Variants in KBTBD12 observed in about 807,000 individuals in gnomAD.
KBTBD12 encodes the protein kelch repeat and BTB domain-containing protein 12.
In KBTBD12, 53 loss-of-function variants were observed where a neutral mutation model predicts 58.7. The ratio of observed to expected loss-of-function variants is 0.90; its 90% CI spans 0.72 to 1.14. The LOEUF (loss-of-function observed/expected upper bound fraction) is 1.14. Ranked by LOEUF, KBTBD12 falls within the 50% of genes most tolerant of loss-of-function variation. KBTBD12 has a pLI of 0.00. For synonymous variants in KBTBD12, 236 were observed against 259.8 expected (o/e 0.91, Z 0.88); for missense variants, 704 against 751.3 (o/e 0.94, Z 0.74).
intron 4 of KBTBD12, among the ~76,000 whole-genome samples, chr3:127,959,561 G>A (rs754263743): frequency 3.3e-5 from 5 of 152,146 alleles, no homozygotes; most frequent in African/African-American, 4.8e-5. Flanking sequence ...AATAAACACC[G>A]GTTACTCATG....
intron 4 of KBTBD12, among the ~76,000 whole-genome samples, chr3:127,944,194 GA>G (rs1196209818): frequency 6.6e-6 from 1 of 151,746 alleles, no homozygotes; most frequent in Non-Finnish European, 1.5e-5. Flanking sequence ...ACAGATTTTA[GA>G]ATAGTTTTTT....
chr3:127,982,621 C>T (rs1271749064), intron 5 of KBTBD12, among the ~76,000 whole-genome samples: 1 of 152,202 alleles, frequency 6.6e-6, no homozygotes, highest in Non-Finnish European at 1.5e-5. Flanking sequence ...GAGCCTCTCC[C>T]TTGCCTGCAC....
chr3:127,959,795 T>A (rs1159704581), intron 4 of KBTBD12, among the ~76,000 whole-genome samples: 2 of 152,268 alleles, frequency 1.3e-5, no homozygotes, highest in Non-Finnish European at 2.9e-5. Context: ...GGAATTGCTG[T>A]CATTATCCTT....
intron 2 of KBTBD12, among the ~76,000 whole-genome samples, chr3:127,927,355 C>G (rs889269204): frequency 6.6e-6 from 1 of 151,936 alleles, no homozygotes; most frequent in Non-Finnish European, 1.5e-5. Context: ...CTTTAATGTT[C>G]GTATGAAAGT....
rs749342475 is a variant in KBTBD12, at chr3:127,984,503, C to T, written c.*225C>T. The T allele has an allele frequency of 9.7e-5, 42 of 432,014 alleles. No individual in the cohort carries two copies. The highest frequency in any genetic ancestry group is 1.4e-4 in the Non-Finnish European group (34 of 238,538). 26.8% of individuals were successfully genotyped at this position (432,014 alleles called of 1,614,324 possible). A position where few individuals can be genotyped will look rare whatever the true frequency, so the allele number is the denominator to read the frequency against. On this transcript the variant is annotated 3_prime_UTR_variant, in exon 6 of 6. Coordinates refer to ENST00000405109, the MANE Select transcript of KBTBD12 (RefSeq NM_207335.4). Reference sequence around the variant, plus strand: ...AGACACTACAAAGAAGAGGTGATGACGGCCACAGGAGGGGCACAGGGCCAC... The same window carrying T: ...AGACACTACAAAGAAGAGGTGATGATGGCCACAGGAGGGGCACAGGGCCAC...
chr3:127,920,601 AC>A (rs1939377193), intron 1 of KBTBD12, among the ~76,000 whole-genome samples: 1 of 152,104 alleles, frequency 6.6e-6, no homozygotes, highest in South Asian at 2.1e-4. Flanking sequence ...GAAAGTAGCA[AC>A]TTAAGCAGTA....
chr3:127,935,115 A>G (rs1435838164), intron 4 of KBTBD12, among the ~76,000 whole-genome samples: 2 of 152,196 alleles, frequency 1.3e-5, no homozygotes, highest in African/African-American at 4.8e-5. Context: ...TTATGTTCCA[A>G]TAAAAACCCA....
chr3:127,956,036 A>G (rs1940313651), intron 4 of KBTBD12, among the ~76,000 whole-genome samples: 1 of 152,268 alleles, frequency 6.6e-6, no homozygotes, highest in African/African-American at 2.4e-5. Context: ...CCATGGCCAA[A>G]GAAGTCAGAC....
intron 4 of KBTBD12, among the ~76,000 whole-genome samples, chr3:127,961,743 G>T (rs371162750): frequency 9.9e-5 from 15 of 152,128 alleles, no homozygotes; most frequent in African/African-American, 3.4e-4. Flanking sequence ...AACACACAAC[G>T]TGTCAGGCAC....
At chr3:127,964,508 G>T (rs1940522943) in intron 5 of KBTBD12, among the ~76,000 whole-genome samples, 1 of 151,644 alleles carries the variant, frequency 6.6e-6, no homozygotes, top group Non-Finnish European at 1.5e-5. Context: ...TGGGTGTGGT[G>T]GTGCCTGCCT....
At chr3:127,962,711 A>C (rs781623506) in intron 4 of KBTBD12, among the ~76,000 whole-genome samples, 1 of 152,196 alleles carries the variant, frequency 6.6e-6, no homozygotes, top group Non-Finnish European at 1.5e-5. Flanking sequence ...GTCCTTCCCT[A>C]GTTGGGAAAG....
At chr3:127,951,332 C>A (rs1333802837) in intron 4 of KBTBD12, among the ~76,000 whole-genome samples, 1 of 152,098 alleles carries the variant, frequency 6.6e-6, no homozygotes, top group African/African-American at 2.4e-5. Flanking sequence ...GGATTGTGGG[C>A]AGGAGTTGAG....
At chr3:127,915,827 G>C (rs1447583376) in intron 1 of KBTBD12, among the ~76,000 whole-genome samples, 1 of 152,240 alleles carries the variant, frequency 6.6e-6, no homozygotes, top group African/African-American at 2.4e-5. Context: ...CAGGCTCGTA[G>C]TCTGCATAGT....
intron 4 of KBTBD12, among the ~76,000 whole-genome samples, chr3:127,936,193 C>T (rs1220533509): frequency 6.6e-6 from 1 of 152,058 alleles, no homozygotes; most frequent in Non-Finnish European, 1.5e-5. Flanking sequence ...TGGTGAAACC[C>T]TGTCTCTACT....
chr3:127,918,132 G>A (rs1939302064), intron 1 of KBTBD12, among the ~76,000 whole-genome samples: 1 of 152,180 alleles, frequency 6.6e-6, no homozygotes, highest in Non-Finnish European at 1.5e-5. Context: ...GGGCAACAGG[G>A]CAAGACCCTG....
At chr3:127,950,967 T>G (rs559578524) in intron 4 of KBTBD12, among the ~76,000 whole-genome samples, 4 of 152,140 alleles carry the variant, frequency 2.6e-5, no homozygotes, top group Non-Finnish European at 4.4e-5. Flanking sequence ...AGGCGGAGGT[T>G]GCAGTGAGCC....
At position 127,936,374 on chromosome 3, in the gene KBTBD12, G is replaced by GAA. The variant is rs35158488; in HGVS notation, c.1492+6103_1492+6104dup. Among the ~76,000 whole-genome samples, 750 of 138,602 alleles carry GAA rather than the reference G, an allele frequency of 5.4e-3. 4 individuals are homozygous for GAA. Among genetic ancestry groups the GAA allele is most frequent in the African/African-American group, 0.016 (608 of 37,838 alleles). The allele number at this position is 138,602 out of a possible 152,430, so 90.9% of individuals were successfully genotyped here. On this transcript the variant is annotated intron_variant, in intron 4 of 5. Transcript: ENST00000405109. Reference sequence around the variant, plus strand: ...GAGCAAGACTCCGCTCAGGAGTACAGAAAAAAAAAAAAATGACATGAAAAA... The same window carrying GAA: ...GAGCAAGACTCCGCTCAGGAGTACAGAAAAAAAAAAAAAAATGACATGAAAAA...
intron 5 of KBTBD12, among the ~76,000 whole-genome samples, chr3:127,965,770 T>C (rs1940551254): frequency 6.6e-6 from 1 of 152,116 alleles, no homozygotes; most frequent in Admixed American, 6.5e-5. Context: ...CCCACTAAAA[T>C]GACAGTAAGT....
intron 5 of KBTBD12, among the ~76,000 whole-genome samples, chr3:127,973,310 C>CA (rs565370573): frequency 2.0e-5 from 3 of 151,852 alleles, no homozygotes; most frequent in Admixed American, 6.6e-5. Flanking sequence ...GACCCTGACT[C>CA]AAAAAAATTA....
Sources: allele counts gnomAD v4.1 joint callset (sites outside exome capture counted in the v4.1 genomes callset), GRCh38; gene constraint gnomAD v4.1.1; transcripts MANE v1.5; gene names NCBI Gene and HGNC (gene_info 2026-07-23, HGNC 2026-07-21).